The following ATRNL1 variants were observed in gnomAD, a reference collection of about 807,000 sequenced individuals.
ATRNL1 encodes attractin like 1.
A neutral mutation model predicts 182.7 loss-of-function variants in ATRNL1; 95 were observed. The ratio of observed to expected loss-of-function variants is 0.52; its 90% CI spans 0.44 to 0.62. The LOEUF (loss-of-function observed/expected upper bound fraction) is 0.62. Ranked by LOEUF, ATRNL1 falls within the 20% of genes least tolerant of loss-of-function variation. ATRNL1 has a pLI of 0.00. For missense variants in ATRNL1, 1,471 were observed against 1,679.5 expected (o/e 0.88, Z 2.17); for synonymous variants, 576 against 568.3 (o/e 1.01, Z -0.19).
chr10:115,105,755 G>A (rs1554865744), intron 1 of ATRNL1, among the ~76,000 whole-genome samples: 1 of 152,236 alleles, frequency 6.6e-6, no homozygotes, highest in African/African-American at 2.4e-5. Flanking sequence ...ATGTGGTGTT[G>A]AGCCTGCGGG....
chr10:115,870,135 G>T (rs1483211582), intron 28 of ATRNL1, among the ~76,000 whole-genome samples: 1 of 152,084 alleles, frequency 6.6e-6, no homozygotes, highest in East Asian at 1.9e-4. Context: ...TTGCTAAATT[G>T]TTTTTCAGGA....
At chr10:115,299,266 A>G (rs564116567) in intron 15 of ATRNL1, among the ~76,000 whole-genome samples, 2 of 152,044 alleles carry the variant, frequency 1.3e-5, no homozygotes, top group Admixed American at 6.5e-5. Flanking sequence ...ATATAAGAAC[A>G]TTTTAAAATT....
At chr10:115,589,725 A>G (rs1458036118) in intron 26 of ATRNL1, among the ~76,000 whole-genome samples, 1 of 152,172 alleles carries the variant, frequency 6.6e-6, no homozygotes, top group African/African-American at 2.4e-5. Context: ...ACTTTGAATT[A>G]TATTGCTTTG....
intron 27 of ATRNL1, among the ~76,000 whole-genome samples, chr10:115,737,679 A>G (rs1490561976): frequency 1.3e-5 from 2 of 152,150 alleles, no homozygotes; most frequent in African/African-American, 2.4e-5. Flanking sequence ...TTAATGTGGT[A>G]GTAGCATAGA....
chr10:115,193,566 C>A (rs1339238278), intron 8 of ATRNL1, among the ~76,000 whole-genome samples: 3 of 151,764 alleles, frequency 2.0e-5, no homozygotes, highest in Non-Finnish European at 4.4e-5. Flanking sequence ...GTAATGTCTC[C>A]TTTTTCATCT....
At chr10:115,321,295 G>A (rs1554931451) in intron 18 of ATRNL1, among the ~76,000 whole-genome samples, 1 of 151,922 alleles carries the variant, frequency 6.6e-6, no homozygotes. Flanking sequence ...TGACCTTGAG[G>A]GTCAGCAAGT....
intron 8 of ATRNL1, among the ~76,000 whole-genome samples, chr10:115,209,331 C>T (rs12259440): frequency 0.013 from 1,973 of 150,588 alleles, 38 homozygotes; most frequent in African/African-American, 0.046. Flanking sequence ...ACACTTGTTT[C>T]TGTTTCTTTT....
At chr10:115,744,006 G>C (rs1413499029) in intron 27 of ATRNL1, among the ~76,000 whole-genome samples, 5 of 141,252 alleles carry the variant, frequency 3.5e-5, no homozygotes, top group Non-Finnish European at 6.2e-5. Context: ...ATGAATAAAT[G>C]TGAGTAAATA....
intron 28 of ATRNL1, among the ~76,000 whole-genome samples, chr10:115,910,231 G>T (rs1555115566): frequency 6.6e-6 from 1 of 152,180 alleles, no homozygotes; most frequent in African/African-American, 2.4e-5. Context: ...TCAGAGGAAA[G>T]GGGCTGCTGC....
At chr10:115,843,985 A>G (rs1555098046) in intron 27 of ATRNL1, among the ~76,000 whole-genome samples, 3 of 152,082 alleles carry the variant, frequency 2.0e-5, no homozygotes, top group Non-Finnish European at 2.9e-5. Context: ...CATCATCTGT[A>G]AAATGGAAAC....
chr10:115,101,885 A>G (rs1554864675), intron 1 of ATRNL1, among the ~76,000 whole-genome samples: 1 of 152,212 alleles, frequency 6.6e-6, no homozygotes, highest in African/African-American at 2.4e-5. Flanking sequence ...AATATACAGA[A>G]GGCTATATGA....
chr10:115,716,543 GT>G (rs1947258222), intron 26 of ATRNL1, among the ~76,000 whole-genome samples: 1 of 152,166 alleles, frequency 6.6e-6, no homozygotes, highest in Non-Finnish European at 1.5e-5. Context: ...AAGCTAGCAT[GT>G]TGTGGCTCAG....
chr10:115,745,589 G>C (rs527519772), intron 27 of ATRNL1, among the ~76,000 whole-genome samples: 2 of 152,234 alleles, frequency 1.3e-5, no homozygotes, highest in East Asian at 3.9e-4. Context: ...CAACACATGA[G>C]AGTTTCAGTT....
intron 1 of ATRNL1, 126 bp downstream of exon 1, chr10:115,094,169 C>A (rs2084952050): frequency 4.9e-6 from 5 of 1,014,278 alleles, no homozygotes; most frequent in Non-Finnish European, 1.3e-6. Context: ...GAGTGAACCT[C>A]AGCGCGCGGC....
chr10:115,354,958 A>G (rs2134136355), intron 19 of ATRNL1, among the ~76,000 whole-genome samples: 1 of 152,048 alleles, frequency 6.6e-6, no homozygotes, highest in South Asian at 2.1e-4. Flanking sequence ...TGTTTTTGAG[A>G]GATTCTGATG....
At chr10:115,508,248 G>T (rs1298278843) in intron 24 of ATRNL1, among the ~76,000 whole-genome samples, 7 of 151,992 alleles carry the variant, frequency 4.6e-5, no homozygotes, top group Admixed American at 4.6e-4. Context: ...AATTAATGTG[G>T]TGTTTGTTCT....
chr10:115,796,814 G>A (rs989193295), intron 27 of ATRNL1, among the ~76,000 whole-genome samples: 2 of 152,096 alleles, frequency 1.3e-5, no homozygotes, highest in African/African-American at 4.8e-5. Flanking sequence ...TATACAATTT[G>A]CTAACAATAT....
At chr10:115,496,581 T>G (rs1433647905) in intron 24 of ATRNL1, among the ~76,000 whole-genome samples, 6 of 152,200 alleles carry the variant, frequency 3.9e-5, no homozygotes, top group Admixed American at 3.9e-4. Context: ...AGCCTATTGG[T>G]GTGATGTGAG....
At chr10:115,518,678 A>G (rs571453860) in intron 24 of ATRNL1, among the ~76,000 whole-genome samples, 38 of 152,054 alleles carry the variant, frequency 2.5e-4, no homozygotes, top group African/African-American at 8.9e-4. Flanking sequence ...TCCAGATGCT[A>G]TATTGTTGAT....
Sources: allele counts gnomAD v4.1 joint callset (sites outside exome capture counted in the v4.1 genomes callset), GRCh38; gene constraint gnomAD v4.1.1; transcripts MANE v1.5; gene names NCBI Gene and HGNC (gene_info 2026-07-23, HGNC 2026-07-21).